The following MBD3 variants were observed in gnomAD, a reference collection of about 807,000 sequenced individuals.
MBD3 encodes methyl-CpG binding domain protein 3, also known as methyl-CpG-binding domain protein 3.
Under a neutral mutation model 31.2 loss-of-function variants are expected in MBD3, and 13 were observed. The ratio of observed to expected loss-of-function variants is 0.42; its 90% CI spans 0.27 to 0.66. The LOEUF (loss-of-function observed/expected upper bound fraction) is 0.66. Ranked by LOEUF, MBD3 falls within the 30% of genes least tolerant of loss-of-function variation. The pLI is 0.26. For synonymous variants in MBD3, 223 were observed against 187.4 expected, an observed-to-expected ratio of 1.19 and a Z score of -1.55; for missense variants, 440 against 426.5, an observed-to-expected ratio of 1.03 and a Z score of -0.28.
chr19:1,578,644 A>C lies in MBD3; in HGVS notation c.678-106T>G. On this transcript the variant is annotated intron_variant, in intron 5 of 6. Transcript: ENST00000434436. This position sits in a 1 kb window ranked among gnomAD's most constrained non-coding sequence, Gnocchi z 6.1. ...CTGGGAGGGGAGGCCCGAGGGATCC[A>C]CAGGCACCCCCCCAGGACCAGCCCT... 1 of 1,594,764 alleles carries C rather than the reference A, an allele frequency of 6.3e-7. No individual in the cohort carries two copies. Among genetic ancestry groups the C allele is most frequent in the Non-Finnish European group, 8.5e-7 (1 of 1,177,272 alleles).
At chr19:1,586,565 A>G (rs1358492162) in intron 1 of MBD3, among the ~76,000 whole-genome samples, 3 of 152,014 alleles carry the variant, frequency 2.0e-5, no homozygotes, top group East Asian at 3.9e-4. Flanking sequence ...CTGGAATGCA[A>G]TGGCTCAATC....
In MBD3 at chr19:1,585,552, T is replaced by G; in HGVS notation, c.111-338A>C. On this transcript the variant is annotated intron_variant, in intron 1 of 6. Coordinates refer to ENST00000434436, the MANE Select transcript of MBD3 (RefSeq NM_001281453.2). This position sits in a 1 kb window ranked among gnomAD's most constrained non-coding sequence, Gnocchi z 4.1. ...CCTTGCTCCAGACCCCCAACCCCGG[T>G]CCCCTCTGAATCCTCCCCACCGTAG... 2.9e-6 allele frequency: 1 copy of G among 342,252 alleles called. No individual in the cohort carries two copies. Among genetic ancestry groups the G allele is most frequent in the Non-Finnish European group, 5.6e-6 (1 of 179,884 alleles). The allele number at this position is 342,252 out of a possible 1,614,324, so 21.2% of individuals were successfully genotyped here. A position where few individuals can be genotyped will look rare whatever the true frequency, so the allele number is the denominator to read the frequency against.
chr19:1,583,881 G>A (rs1288276261), intron 3 of MBD3, among the ~76,000 whole-genome samples: 3 of 152,198 alleles, frequency 2.0e-5, no homozygotes, highest in East Asian at 1.9e-4. Flanking sequence ...GAGTGCAGTG[G>A]TGTCATCTCG....
At position 1,584,141 on chromosome 19, in the gene MBD3, T is replaced by A. The variant is rs911775990; in HGVS notation, c.408+399A>T. Reference sequence around the variant, plus strand: ...CGTGAGGCCATACTAGACCATTTTCTGAGGGGCCTGAACATCCCCAGATTT... The same window carrying A: ...CGTGAGGCCATACTAGACCATTTTCAGAGGGGCCTGAACATCCCCAGATTT... On this transcript the variant is annotated intron_variant, in intron 3 of 6. Coordinates refer to ENST00000434436, the MANE Select transcript of MBD3 (RefSeq NM_001281453.2). Among the ~76,000 whole-genome samples, 3 of 152,032 alleles carry A rather than the reference T, an allele frequency of 2.0e-5. No individual in the cohort carries two copies. In the South Asian group the frequency reaches 6.2e-4, roughly 32 times the overall value.
intron 1 of MBD3, among the ~76,000 whole-genome samples, chr19:1,589,952 G>A (rs896861396): frequency 2.0e-5 from 3 of 152,166 alleles, no homozygotes; most frequent in Non-Finnish European, 4.4e-5. Context: ...TGCTTTTCAG[G>A]GTGATGAGAA....
chr19:1,578,215 C>G lies in MBD3; in HGVS notation c.*6-57G>C. 6.8e-7 allele frequency: 1 copy of G among 1,473,076 alleles called. No individual in the cohort carries two copies. The highest frequency in any genetic ancestry group is 1.4e-5 in the African/African-American group (1 of 72,248). 91.3% of individuals were successfully genotyped at this position (1,473,076 alleles called of 1,614,324 possible). A position where few individuals can be genotyped will look rare whatever the true frequency, so the allele number is the denominator to read the frequency against. ...ACTCCACGGGACGGGGACGCTTGGG[C>G]TCTTCTAGGGAGATGGGAAGCTCTT... On this transcript the variant is annotated intron_variant, in intron 6 of 6. Transcript: ENST00000434436. This position sits in a 1 kb window ranked among gnomAD's most constrained non-coding sequence, Gnocchi z 6.1.
Position 1,585,566 on chromosome 19 carries a change from TCCCC to T in MBD3, c.111-356_111-353del. 1 of 291,086 alleles carries T rather than the reference TCCCC, an allele frequency of 3.4e-6. No individual in the cohort carries two copies. The highest frequency in any genetic ancestry group is 8.6e-5 in the East Asian group (1 of 11,644). 18.0% of individuals were successfully genotyped at this position (291,086 alleles called of 1,614,324 possible). A position where few individuals can be genotyped will look rare whatever the true frequency, so the allele number is the denominator to read the frequency against. ...CCCAACCCCGGTCCCCTCTGAATCC[TCCCC>T]ACCGTAGGCCCTGGCAGCGTCAGGC... On this transcript the variant is annotated intron_variant, in intron 1 of 6. Coordinates refer to ENST00000434436, the MANE Select transcript of MBD3 (RefSeq NM_001281453.2). This position sits in a 1 kb window ranked among gnomAD's most constrained non-coding sequence, Gnocchi z 4.1.
At chr19:1,586,486 GGCT>G (rs1426389296) in intron 1 of MBD3, 2 of 152,412 alleles carry the variant, frequency 1.3e-5, no homozygotes, top group Non-Finnish European at 2.9e-5. Flanking sequence ...GATGTGGAGT[GGCT>G]GCTGATAGGG....
rs181031253 is a variant in MBD3 at position 1,573,642 on chromosome 19, C to A, written c.*4522G>T. 5.3e-5 allele frequency: 8 copies of A among 152,224 alleles called. No individual in the cohort carries two copies. The highest frequency in any genetic ancestry group is 1.0e-4 in the Non-Finnish European group (7 of 68,050). 9.4% of individuals were successfully genotyped at this position (152,224 alleles called of 1,614,324 possible). A position where few individuals can be genotyped will look rare whatever the true frequency, so the allele number is the denominator to read the frequency against. On this transcript the variant is annotated 3_prime_UTR_variant, in exon 7 of 7. Transcript: ENST00000434436. ...TGCTTGTAAATTACATCTCAAAAAA[C>A]CCACTTCACACACGTTAACTGGAAA...
rs1324882659 is a variant in MBD3, at chr19:1,585,365, G to A, written c.111-151C>T. 2 of 820,124 alleles carry A rather than the reference G, an allele frequency of 2.4e-6. No homozygotes were observed. Among genetic ancestry groups the A allele is most frequent in the Non-Finnish European group, 3.8e-6 (2 of 533,118 alleles). The allele number at this position is 820,124 out of a possible 1,614,324, so 50.8% of individuals were successfully genotyped here. A position where few individuals can be genotyped will look rare whatever the true frequency, so the allele number is the denominator to read the frequency against. On this transcript the variant is annotated intron_variant, in intron 1 of 6. Coordinates refer to ENST00000434436, the MANE Select transcript of MBD3 (RefSeq NM_001281453.2). The surrounding 1 kb of genome is among the most constrained non-coding windows in gnomAD (Gnocchi z 4.1). ...ACGGCCCTGACCCCAAACCCAGGCAGGCCCTGGCCCCAGCCCCAGACCCCA... is the reference window on the plus strand; with the variant it reads ...ACGGCCCTGACCCCAAACCCAGGCAAGCCCTGGCCCCAGCCCCAGACCCCA...
chr19:1,586,712 G>A (rs1288425186), intron 1 of MBD3, among the ~76,000 whole-genome samples: 3 of 145,184 alleles, frequency 2.1e-5, no homozygotes, highest in Non-Finnish European at 4.5e-5. Context: ...TGTCGCCCAG[G>A]CTGGAGTGAA....
At chr19:1,587,509 G>C (rs1221543424) in intron 1 of MBD3, among the ~76,000 whole-genome samples, 1 of 151,724 alleles carries the variant, frequency 6.6e-6, no homozygotes, top group Non-Finnish European at 1.5e-5. Flanking sequence ...TGACCTCCTG[G>C]ACTCAAGGGA....
chr19:1,579,181 CAAAAAAAAAAAA>C (rs57070800), intron 5 of MBD3, among the ~76,000 whole-genome samples: 6 of 21,496 alleles, frequency 2.8e-4, no homozygotes, highest in Non-Finnish European at 4.7e-4. Flanking sequence ...CAGATTCTGC[CAAAAAAAAAAAA>C]AAAAAAAAAA....
chr19:1,592,532 A>C lies in MBD3; in HGVS notation c.100T>G (p.Phe34Val). 1 of 1,428,826 alleles carries C rather than the reference A, an allele frequency of 7.0e-7. No individual in the cohort carries two copies. The highest frequency in any genetic ancestry group is 1.2e-5 in the South Asian group (1 of 84,782). 88.5% of individuals were successfully genotyped at this position (1,428,826 alleles called of 1,614,324 possible). The change falls in exon 1 of 7, where the codon TTT (phenylalanine) becomes GTT (valine). Residue 34 changes from phenylalanine to valine, a missense_variant. Around this residue, in one of 3 missense-constraint regions of MBD3, gnomAD observed 179 missense variants for 134.7 expected, o/e 1.33. Transcript: ENST00000434436. ...GGCGCGCTCATTCACCTATAGTAAAAGACATCCCTGTGGCCGGCCGACAGC... is the reference window on the plus strand; with the variant it reads ...GGCGCGCTCATTCACCTATAGTAAACGACATCCCTGTGGCCGGCCGACAGC... Reference protein sequence around the residue: ...SGLSAGHRDVFYYSPSGKKFR... With the variant: ...SGLSAGHRDVVYYSPSGKKFR...
intron 1 of MBD3, among the ~76,000 whole-genome samples, chr19:1,589,244 T>A (rs188150345): frequency 6.7e-6 from 1 of 149,944 alleles, no homozygotes; most frequent in East Asian, 2.0e-4. Flanking sequence ...GGCAGGAGAA[T>A]TGCTTGAACT....
intron 5 of MBD3, 71 bp downstream of exon 5, chr19:1,581,021 C>A: frequency 6.4e-7 from 1 of 1,561,886 alleles, no homozygotes. Context: ...CGCAGGCACA[C>A]GGGGACACTC....
intron 3 of MBD3, among the ~76,000 whole-genome samples, 174 bp from the exon 4 acceptor site, chr19:1,582,886 A>G (rs1050639800): frequency 1.3e-5 from 2 of 152,128 alleles, no homozygotes; most frequent in African/African-American, 4.8e-5. Flanking sequence ...TTCCACAGCC[A>G]GGGATCCAGT....
rs1335202658 is a variant in MBD3, at chr19:1,577,173, C to CA, written c.*990dup. 1 of 152,552 alleles carries CA rather than the reference C, an allele frequency of 6.6e-6. No individual in the cohort carries two copies. The highest frequency in any genetic ancestry group is 1.5e-5 in the Non-Finnish European group (1 of 68,280). The allele number at this position is 152,552 out of a possible 1,614,324, so 9.4% of individuals were successfully genotyped here. ...AGGAGCCCTCACTGGGCAGCAGGGC[C>CA]AGGAGGGCACCAGGGACTGGCCGCA... On this transcript the variant is annotated 3_prime_UTR_variant, in exon 7 of 7. Coordinates refer to ENST00000434436, the MANE Select transcript of MBD3 (RefSeq NM_001281453.2).
chr19:1,581,365 G>A (rs1347807702), intron 4 of MBD3, 96 bp from the exon 5 acceptor site: 1 of 1,294,244 alleles, frequency 7.7e-7, no homozygotes, highest in Non-Finnish European at 1.1e-6. Context: ...AATGGGAGCT[G>A]CCACCTTCTT....
Sources: allele counts gnomAD v4.1 joint callset (sites outside exome capture counted in the v4.1 genomes callset), GRCh38; gene constraint gnomAD v4.1.1; regional missense constraint gnomAD v4.1.1; non-coding constraint Gnocchi (gnomAD v3.1); transcripts MANE v1.5; gene names NCBI Gene and HGNC (gene_info 2026-07-23, HGNC 2026-07-21).